The following AFG1L variants were observed in gnomAD, a reference collection of about 807,000 sequenced individuals.
AFG1L encodes AFG1 like ATPase, also known as AFG1-like ATPase.
AFG1L carries 53 observed loss-of-function variants against 62.2 expected under a neutral mutation model. The observed-to-expected ratio is 0.85, with a 90% CI of 0.68 to 1.07. The LOEUF (loss-of-function observed/expected upper bound fraction) is 1.07, where lower values mean the gene tolerates loss of function less well. AFG1L is among the 50% of genes least tolerant of loss of function. AFG1L has a pLI of 0.00. For missense variants in AFG1L, 555 were observed against 590.5 expected (o/e 0.94, Z 0.62); for synonymous variants, 228 against 210.3 (o/e 1.08, Z -0.73).
intron 6 of AFG1L, among the ~76,000 whole-genome samples, chr6:108,384,629 A>G (rs73763118): frequency 0.02 from 3,004 of 152,316 alleles, 93 homozygotes; most frequent in African/African-American, 0.068. Context: ...ACTATCCCCC[A>G]ATATGAACTG....
At chr6:108,389,336 G>A (rs1780938503) in intron 6 of AFG1L, among the ~76,000 whole-genome samples, 2 of 152,066 alleles carry the variant, frequency 1.3e-5, no homozygotes, top group Non-Finnish European at 2.9e-5. Flanking sequence ...TATCCAATTT[G>A]CCAGTCTGTG....
chr6:108,454,126 ACTC>A (rs1258344711), intron 8 of AFG1L, among the ~76,000 whole-genome samples: 1 of 151,356 alleles, frequency 6.6e-6, no homozygotes, highest in Non-Finnish European at 1.5e-5. Context: ...AGCTGGCTCT[ACTC>A]CTCCTCCAGT....
chr6:108,363,911 C>T (rs1264471619), intron 5 of AFG1L, among the ~76,000 whole-genome samples: 1 of 152,128 alleles, frequency 6.6e-6, no homozygotes. Flanking sequence ...CATTATATGG[C>T]ACTGTACCAA....
intron 10 of AFG1L, among the ~76,000 whole-genome samples, chr6:108,509,254 G>A (rs1764133778): frequency 6.6e-6 from 1 of 152,152 alleles, no homozygotes; most frequent in South Asian, 2.1e-4. Flanking sequence ...ATAATATTGT[G>A]GACCTTGAGT....
intron 10 of AFG1L, among the ~76,000 whole-genome samples, chr6:108,500,410 CT>C (rs1774148655): frequency 6.6e-6 from 1 of 152,140 alleles, no homozygotes; most frequent in South Asian, 2.1e-4. Context: ...GCCAAATCAT[CT>C]TATATAACCC....
chr6:108,522,217 A>G, intron 12 of AFG1L, 80 bp from the exon 13 acceptor site: 8 of 1,389,220 alleles, frequency 5.8e-6, no homozygotes, highest in Non-Finnish European at 7.9e-6. Context: ...AAGCCTAAAA[A>G]GTTTTTTTAA....
chr6:108,389,876 G>T (rs1461060901), intron 6 of AFG1L, among the ~76,000 whole-genome samples: 1 of 152,064 alleles, frequency 6.6e-6, no homozygotes, highest in African/African-American at 2.4e-5. Flanking sequence ...TTTTCTCGAG[G>T]AGTATCTTTG....
intron 7 of AFG1L, among the ~76,000 whole-genome samples, chr6:108,429,275 C>G (rs1164968494): frequency 6.6e-6 from 1 of 152,226 alleles, no homozygotes; most frequent in East Asian, 1.9e-4. Flanking sequence ...GTTTGACTCA[C>G]ACTTCCACAT....
chr6:108,318,250 C>T, intron 1 of AFG1L: 1 of 319,112 alleles, frequency 3.1e-6, no homozygotes, highest in South Asian at 3.2e-5. Context: ...GCAGACTAAG[C>T]TGATTTTCCA....
At chr6:108,390,985 C>T (rs1781032595) in intron 6 of AFG1L, among the ~76,000 whole-genome samples, 1 of 152,228 alleles carries the variant, frequency 6.6e-6, no homozygotes, top group African/African-American at 2.4e-5. Context: ...TTGGAACCCC[C>T]ATCACCCCAC....
At chr6:108,518,626 T>G (rs915114754) in intron 11 of AFG1L, among the ~76,000 whole-genome samples, 6 of 152,154 alleles carry the variant, frequency 3.9e-5, no homozygotes, top group South Asian at 2.1e-4. Context: ...GTTGTGCACA[T>G]GTACCCTAAA....
In AFG1L at chr6:108,518,274, C is replaced by T. The variant is rs1582696030; in HGVS notation, c.1204-1423C>T. Among the ~76,000 whole-genome samples, 3 of 152,058 alleles carry T rather than the reference C, an allele frequency of 2.0e-5. No homozygotes were observed. The East Asian group carries it at 5.8e-4, about 29-fold the overall frequency. On this transcript the variant is annotated intron_variant, in intron 11 of 12. Coordinates refer to ENST00000368977, the MANE Select transcript of AFG1L (RefSeq NM_145315.5). The stretch of plus-strand genomic sequence containing the variant: ...AACCCAAATGTCCAACAATGATAGA[C>T]TGGATTAAGAAAATGTGGCACATGT...
chr6:108,398,101 G>A (rs1056663958), intron 6 of AFG1L, among the ~76,000 whole-genome samples: 2 of 151,908 alleles, frequency 1.3e-5, no homozygotes, highest in African/African-American at 2.4e-5. Context: ...TTTTCTCTGC[G>A]TCCTCAGCAG....
rs368048729 is a variant in AFG1L at position 108,510,361 on chromosome 6, G to A, written c.1203+9G>A. 151 of 1,594,718 alleles carry A rather than the reference G, an allele frequency of 9.5e-5. No individual in the cohort carries two copies. The African/African-American group carries it at 2.0e-3, about 21-fold the overall frequency. On this transcript the variant is annotated intron_variant, in intron 11 of 12. Coordinates refer to ENST00000368977, the MANE Select transcript of AFG1L (RefSeq NM_145315.5). Reference sequence around the variant, plus strand: ...ACTTTTATGATCTCAAGGTAAGGATGTAGTACATTTTCTTAAAACTAAACA... The same window carrying A: ...ACTTTTATGATCTCAAGGTAAGGATATAGTACATTTTCTTAAAACTAAACA...
At chr6:108,456,724 A>G (rs1179088245) in intron 8 of AFG1L, among the ~76,000 whole-genome samples, 1 of 152,192 alleles carries the variant, frequency 6.6e-6, no homozygotes, top group East Asian at 1.9e-4. Flanking sequence ...GGAATCACAT[A>G]AGATGTAATA....
intron 8 of AFG1L, among the ~76,000 whole-genome samples, chr6:108,471,234 A>T (rs1207234015): frequency 6.6e-6 from 1 of 152,130 alleles, no homozygotes; most frequent in Admixed American, 6.5e-5. Flanking sequence ...ATTAATGAGA[A>T]CATAAAATTC....
At chr6:108,474,041 G>A (rs768296983) in intron 8 of AFG1L, among the ~76,000 whole-genome samples, 1 of 151,980 alleles carries the variant, frequency 6.6e-6, no homozygotes, top group African/African-American at 2.4e-5. Flanking sequence ...CTCTCCCCCC[G>A]GCTCCTGACA....
intron 1 of AFG1L, among the ~76,000 whole-genome samples, chr6:108,310,060 TC>T (rs1474315684): frequency 6.6e-6 from 1 of 152,144 alleles, no homozygotes; most frequent in Non-Finnish European, 1.5e-5. Context: ...TATTCAGAGA[TC>T]GGTCCAGGTG....
intron 7 of AFG1L, among the ~76,000 whole-genome samples, chr6:108,437,387 C>CG (rs923765669): frequency 2.0e-5 from 3 of 152,062 alleles, no homozygotes; most frequent in Non-Finnish European, 4.4e-5. Context: ...TGAGAGAGAG[C>CG]GGGGAAATCA....
Sources: allele counts gnomAD v4.1 joint callset (sites outside exome capture counted in the v4.1 genomes callset), GRCh38; gene constraint gnomAD v4.1.1; transcripts MANE v1.5; gene names NCBI Gene and HGNC (gene_info 2026-07-23, HGNC 2026-07-21).